CBL: variants seen among roughly 807,000 people sequenced by gnomAD.
CBL encodes the protein E3 ubiquitin-protein ligase CBL.
Under a neutral mutation model 96.9 loss-of-function variants are expected in CBL, and 45 were observed. The observed-to-expected ratio is 0.46, with a 90% CI of 0.37 to 0.60. The LOEUF is 0.60. Ranked by LOEUF, CBL falls within the 20% of genes least tolerant of loss-of-function variation. The probability of loss-of-function intolerance (pLI) is 0.00; values close to 1 mark genes in which losing one functional copy is unlikely to be tolerated. For synonymous variants in CBL, 420 were observed against 426.8 expected (o/e 0.98, Z 0.20); for missense variants, 1,024 against 1,143.5 (o/e 0.90, Z 1.51).
intron 1 of CBL, among the ~76,000 whole-genome samples, chr11:119,224,854 G>A (rs113699586): frequency 1.3e-5 from 2 of 152,032 alleles, no homozygotes; most frequent in Admixed American, 6.6e-5. Context: ...CTGCTGTCTC[G>A]GGTGGCAGAG....
intron 2 of CBL, among the ~76,000 whole-genome samples, chr11:119,261,744 G>A (rs975046238): frequency 3.3e-5 from 5 of 152,198 alleles, no homozygotes; most frequent in African/African-American, 1.2e-4. Context: ...CTCGGGTTAA[G>A]TGAACTCAAA....
At chr11:119,232,968 A>G (rs1949515816) in intron 2 of CBL, among the ~76,000 whole-genome samples, 1 of 152,144 alleles carries the variant, frequency 6.6e-6, no homozygotes, top group South Asian at 2.1e-4. Flanking sequence ...GAAGATCATG[A>G]AAGTTTGTGG....
rs1950077516 is a variant in CBL, at chr11:119,298,346, A to G, written c.2252-12A>G. The G allele has an allele frequency of 6.2e-7, 1 of 1,613,206 alleles. No individual in the cohort carries two copies. Among genetic ancestry groups the G allele is most frequent in the Admixed American group, 1.7e-5 (1 of 60,000 alleles). ...GCGTCAGAAGAAGATAACATCACTCATTTTTCTCCAGGTGAAGGGAATTTG... is the reference window on the plus strand; with the variant it reads ...GCGTCAGAAGAAGATAACATCACTCGTTTTTCTCCAGGTGAAGGGAATTTG... On this transcript the variant is annotated splice_polypyrimidine_tract_variant and intron_variant, in intron 14 of 15. Transcript: ENST00000264033.
intron 1 of CBL, among the ~76,000 whole-genome samples, chr11:119,214,227 G>C (rs1400961126): frequency 6.6e-6 from 1 of 150,756 alleles, no homozygotes; most frequent in Non-Finnish European, 1.5e-5. Flanking sequence ...ACAGGCATGA[G>C]CCACCCCGCC....
At chr11:119,293,999 C>T (rs1365564496) in intron 12 of CBL, among the ~76,000 whole-genome samples, 1 of 152,234 alleles carries the variant, frequency 6.6e-6, no homozygotes, top group African/African-American at 2.4e-5. Context: ...TTTCTTGAAT[C>T]TTAGCCTGTT....
At chr11:119,270,585 T>C (rs1949838873) in intron 2 of CBL, among the ~76,000 whole-genome samples, 1 of 147,242 alleles carries the variant, frequency 6.8e-6, no homozygotes, top group Non-Finnish European at 1.5e-5. Flanking sequence ...TAGCTGGGAC[T>C]ACAGGCGCCC....
At chr11:119,268,454 T>TA (rs1239530809) in intron 2 of CBL, among the ~76,000 whole-genome samples, 1 of 152,188 alleles carries the variant, frequency 6.6e-6, no homozygotes, top group Non-Finnish European at 1.5e-5. Context: ...TGTCATTAAA[T>TA]ACAGAAGTAA....
chr11:119,259,692 A>G (rs1592390876), intron 2 of CBL, among the ~76,000 whole-genome samples: 1 of 152,314 alleles, frequency 6.6e-6, no homozygotes, highest in East Asian at 1.9e-4. Context: ...CATCAAGCTT[A>G]TATAAAAGAT....
chr11:119,278,683 C>G lies in CBL; in HGVS notation c.1401C>G (p.Leu467=). ...DDDDERADDT[L]FMMKELAGAK... Reference sequence around the variant, plus strand: ...ATGATGAACGAGCTGATGATACTCTCTTCATGATGAAGGAATTGGCTGGTG... The same window carrying G: ...ATGATGAACGAGCTGATGATACTCTGTTCATGATGAAGGAATTGGCTGGTG... The change falls in exon 9 of 16, where the codon CTC becomes CTG. Residue 467 remains leucine, a synonymous_variant. Coordinates refer to ENST00000264033, the MANE Select transcript of CBL (RefSeq NM_005188.4). The G allele has an allele frequency of 6.2e-7, 1 of 1,614,104 alleles. No homozygotes were observed. The highest frequency in any genetic ancestry group is 8.5e-7 in the Non-Finnish European group (1 of 1,180,014).
intron 1 of CBL, among the ~76,000 whole-genome samples, chr11:119,230,143 A>G (rs73566740): frequency 0.024 from 3,662 of 151,648 alleles, 160 homozygotes; most frequent in African/African-American, 0.083. Flanking sequence ...ACAAGAAAAT[A>G]GGTTTTTGTT....
Position 119,300,022 on chromosome 11 carries a change from A to G in CBL, c.*241A>G, listed in dbSNP as rs1254594004. 1.7e-6 allele frequency: 1 copy of G among 598,444 alleles called. No homozygotes were observed. The highest frequency in any genetic ancestry group is 2.8e-5 in the East Asian group (1 of 35,338). The allele number at this position is 598,444 out of a possible 1,614,324, so 37.1% of individuals were successfully genotyped here. A position where few individuals can be genotyped will look rare whatever the true frequency, so the allele number is the denominator to read the frequency against. On this transcript the variant is annotated 3_prime_UTR_variant, in exon 16 of 16. Transcript: ENST00000264033. ...AAGGTGTCCTTCAGTTCCCACGTAG[A>G]GAGAGTGTGGATTATATTACATGAT...
At chr11:119,217,938 G>A (rs775214249) in intron 1 of CBL, among the ~76,000 whole-genome samples, 2 of 152,052 alleles carry the variant, frequency 1.3e-5, no homozygotes, top group Non-Finnish European at 2.9e-5. Flanking sequence ...TTAGTTGGCC[G>A]TGGTGGTGAG....
intron 2 of CBL, among the ~76,000 whole-genome samples, chr11:119,247,770 C>A (rs780901168): frequency 4.6e-5 from 7 of 152,132 alleles, no homozygotes; most frequent in African/African-American, 1.4e-4. Flanking sequence ...CGAGATCATG[C>A]CACTGCACTT....
At chr11:119,232,815 G>C in intron 2 of CBL, 120 bp downstream of exon 2, 1 of 982,370 alleles carries the variant, frequency 1.0e-6, no homozygotes, top group Non-Finnish European at 1.6e-6. Flanking sequence ...GTTGACATTT[G>C]ATTTAAAGGT....
At chr11:119,220,055 G>A (rs1949396059) in intron 1 of CBL, among the ~76,000 whole-genome samples, 1 of 152,022 alleles carries the variant, frequency 6.6e-6, no homozygotes, top group African/African-American at 2.4e-5. Context: ...TCACCATGTT[G>A]GCCAGGCTGG....
At position 119,260,939 on chromosome 11, in the gene CBL, C is replaced by CTTTTTTTTTTTTTTTTTT. The variant is rs35248070; in HGVS notation, c.444-10793_444-10776dup. On this transcript the variant is annotated intron_variant, in intron 2 of 15. Transcript: ENST00000264033. ...TTTCACTTTGGCAGTTAAATCTCTA[C>CTTTTTTTTTTTTTTTTTT]TTTTTTTTTTTTTTTTTTTTAATGG... Among the ~76,000 whole-genome samples the CTTTTTTTTTTTTTTTTTT allele has an allele frequency of 6.7e-5, 6 of 89,924 alleles. 2 individuals are homozygous for CTTTTTTTTTTTTTTTTTT. Among genetic ancestry groups the CTTTTTTTTTTTTTTTTTT allele is most frequent in the African/African-American group, 3.0e-4 (6 of 19,870 alleles). The allele number at this position is 89,924 out of a possible 152,430, so 59.0% of individuals were successfully genotyped here.
At chr11:119,273,303 C>T (rs752198410) in intron 3 of CBL, among the ~76,000 whole-genome samples, 9 of 152,214 alleles carry the variant, frequency 5.9e-5, no homozygotes, top group Non-Finnish European at 1.0e-4. Context: ...CACAGTGGCT[C>T]ACTCCTGTAG....
intron 6 of CBL, among the ~76,000 whole-genome samples, chr11:119,277,137 C>T (rs1441339327): frequency 6.6e-6 from 1 of 151,890 alleles, no homozygotes; most frequent in African/African-American, 2.4e-5. Flanking sequence ...ATCCCAGCTA[C>T]TTGGGAGGCT....
At chr11:119,257,364 CGTT>C (rs1307951678) in intron 2 of CBL, among the ~76,000 whole-genome samples, 1 of 151,956 alleles carries the variant, frequency 6.6e-6, no homozygotes, top group Non-Finnish European at 1.5e-5. Flanking sequence ...TGATTAGTGA[CGTT>C]GATTATTTTT....
Sources: gnomAD v4.1 joint callset for allele counts (sites outside exome capture counted in the v4.1 genomes callset) on GRCh38, gnomAD v4.1.1 for gene constraint, MANE v1.5 for transcripts, NCBI Gene and HGNC (gene_info 2026-07-23, HGNC 2026-07-21) for gene names.